The following LFNG variants were observed in gnomAD, a reference collection of about 807,000 sequenced individuals.
LFNG encodes LFNG O-fucosylpeptide 3-beta-N-acetylglucosaminyltransferase.
LFNG carries 15 observed loss-of-function variants against 32.7 expected under a neutral mutation model. That is an observed-to-expected ratio of 0.46 (90% CI 0.31 to 0.71). The LOEUF is 0.71. Ranked by LOEUF, LFNG falls within the 30% of genes least tolerant of loss-of-function variation. The pLI is 0.06. For synonymous variants in LFNG, 274 were observed against 246.8 expected, an observed-to-expected ratio of 1.11 and a Z score of -1.03; for missense variants, 520 against 545.7, an observed-to-expected ratio of 0.95 and a Z score of 0.47.
chr7:2,524,668 T>G, intron 1 of LFNG, 27 bp from the exon 2 acceptor site: 5 of 1,569,236 alleles, frequency 3.2e-6, no homozygotes, highest in Non-Finnish European at 4.3e-6. Flanking sequence ...AAGGGCTGCC[T>G]GCTGAAGGCC....
In LFNG at chr7:2,519,969, G is replaced by C; in HGVS notation, c.108G>C (p.Glu36Asp). Residue 36 changes from glutamate to aspartate, a missense_variant, in exon 1 of 8, where the codon GAG (glutamate) becomes GAC (aspartate). Physicochemically the swap from Glu to Asp is conservative, Grantham distance 45. Around this residue, in one of 3 missense-constraint regions of LFNG, gnomAD observed 360 missense variants for 354.7 expected, o/e 1.01. Transcript: ENST00000222725. ...ADPPPPPLPAERGRRALRSLA... is the reference protein window; with the variant it reads ...ADPPPPPLPADRGRRALRSLA... Reference sequence around the variant, plus strand: ...CGCCGCCGCCTCCACTGCCCGCCGAGCGCGGCCGGCGCGCGCTGCGCAGCC... The same window carrying C: ...CGCCGCCGCCTCCACTGCCCGCCGACCGCGGCCGGCGCGCGCTGCGCAGCC... The C allele has an allele frequency of 1.0e-6, 1 of 983,548 alleles. No individual in the cohort carries two copies. The highest frequency in any genetic ancestry group is 1.2e-6 in the Non-Finnish European group (1 of 830,458). 60.9% of individuals were successfully genotyped at this position (983,548 alleles called of 1,614,324 possible).
upstream of LFNG, among the ~76,000 whole-genome samples, chr7:2,517,468 C>G (rs1779656138): frequency 6.6e-6 from 1 of 152,214 alleles, no homozygotes; most frequent in Admixed American, 6.5e-5. Context: ...TGGTCACTCC[C>G]TTGGTACAAT....
At chr7:2,517,721 A>G (rs115366592), upstream of LFNG, 1,358 of 497,874 alleles carry the variant, frequency 2.7e-3, 19 homozygotes, top group African/African-American at 0.024. Flanking sequence ...ACAGAGCACA[A>G]CCCGTGCACA....
At chr7:2,525,624 G>A in intron 4 of LFNG, 57 bp downstream of exon 4, 1 of 1,611,922 alleles carries the variant, frequency 6.2e-7, no homozygotes, top group Non-Finnish European at 8.5e-7. Flanking sequence ...ACCCGGAGTG[G>A]GGGTGGGACC....
In LFNG at chr7:2,525,202, C is replaced by T. The variant is rs764672814; in HGVS notation, c.482-17C>T. The T allele has an allele frequency of 3.2e-5, 52 of 1,609,570 alleles. No homozygotes were observed. The highest frequency in any genetic ancestry group is 9.9e-5 in the South Asian group (9 of 90,914). ...GAGCCGGCTCAGACCTACTCACAGCCGCTCCCCTGTCCACAGGCAACGTGG... is the reference window on the plus strand; with the variant it reads ...GAGCCGGCTCAGACCTACTCACAGCTGCTCCCCTGTCCACAGGCAACGTGG... On this transcript the variant is annotated splice_polypyrimidine_tract_variant and intron_variant, in intron 2 of 7. Transcript: ENST00000222725.
In LFNG at chr7:2,520,431, A is replaced by C; in HGVS notation, c.432+138A>C. The C allele has an allele frequency of 1.4e-6, 1 of 732,134 alleles. No homozygotes were observed. Among genetic ancestry groups the C allele is most frequent in the Non-Finnish European group, 2.1e-6 (1 of 469,906 alleles). The allele number at this position is 732,134 out of a possible 1,614,324, so 45.4% of individuals were successfully genotyped here. A position where few individuals can be genotyped will look rare whatever the true frequency, so the allele number is the denominator to read the frequency against. On this transcript the variant is annotated intron_variant, in intron 1 of 7. Transcript: ENST00000222725. The surrounding 1 kb of genome is among the most constrained non-coding windows in gnomAD (Gnocchi z 5.0). The stretch of plus-strand genomic sequence containing the variant: ...GGCCATCTGTGGGCGACGCCAGTGC[A>C]CCCCGGTGCACCCAGTTTGCCTGCT...
Position 2,519,957 on chromosome 7 carries a change from A to G in LFNG, c.96A>G (p.Pro32=). The change falls in exon 1 of 8, where the codon CCA becomes CCG. Residue 32 remains proline (P), a synonymous_variant. Coordinates refer to ENST00000222725, the MANE Select transcript of LFNG (RefSeq NM_001040167.2). ...TCACCGCCGACCCGCCGCCGCCTCCACTGCCCGCCGAGCGCGGCCGGCGCG... is the reference window on the plus strand; with the variant it reads ...TCACCGCCGACCCGCCGCCGCCTCCGCTGCCCGCCGAGCGCGGCCGGCGCG... The part of the protein sequence containing the change: ...LVLTADPPPP[P]LPAERGRRAL... The G allele has an allele frequency of 1.6e-5, 16 of 995,568 alleles. No homozygotes were observed. The highest frequency in any genetic ancestry group is 1.9e-5 in the Non-Finnish European group (16 of 838,866). The allele number at this position is 995,568 out of a possible 1,614,324, so 61.7% of individuals were successfully genotyped here.
chr7:2,514,992 G>A (rs931488384), upstream of LFNG, among the ~76,000 whole-genome samples: 28 of 132,602 alleles, frequency 2.1e-4, no homozygotes, highest in East Asian at 1.5e-3. Flanking sequence ...CCATCCGTCC[G>A]TCCATCCATC....
Position 2,520,406 on chromosome 7 carries a change from G to A in LFNG, c.432+113G>A, listed in dbSNP as rs1337347771. On this transcript the variant is annotated intron_variant, in intron 1 of 7. Coordinates refer to ENST00000222725, the MANE Select transcript of LFNG (RefSeq NM_001040167.2). The surrounding 1 kb of genome is among the most constrained non-coding windows in gnomAD (Gnocchi z 5.0). Reference sequence around the variant, plus strand: ...GGCTGCATCCCCATCCAGCCACTAGGGCCATCTGTGGGCGACGCCAGTGCA... The same window carrying A: ...GGCTGCATCCCCATCCAGCCACTAGAGCCATCTGTGGGCGACGCCAGTGCA... The A allele has an allele frequency of 6.1e-6, 6 of 976,742 alleles. No individual in the cohort carries two copies. Among genetic ancestry groups the A allele is most frequent in the Non-Finnish European group, 9.0e-6 (6 of 667,040 alleles). 60.5% of individuals were successfully genotyped at this position (976,742 alleles called of 1,614,324 possible).
rs1289123695 is a variant in LFNG, at chr7:2,527,200, T to C, written c.1128T>C (p.Thr376=). ...CGGACACACCCTGGTGTCCCCGCACTGCCATCTTCTAGTGGCCATGGCTGA... is the reference window on the plus strand; with the variant it reads ...CGGACACACCCTGGTGTCCCCGCACCGCCATCTTCTAGTGGCCATGGCTGA... ...LYPDTPWCPR[T]AIF Residue 376 remains threonine (T), a synonymous_variant, in exon 8 of 8, where the codon ACT becomes ACC. Coordinates refer to ENST00000222725, the MANE Select transcript of LFNG (RefSeq NM_001040167.2). The surrounding 1 kb of genome is among the most constrained non-coding windows in gnomAD (Gnocchi z 4.4). 1.9e-5 allele frequency: 30 copies of C among 1,612,898 alleles called. No individual in the cohort carries two copies. Among genetic ancestry groups the C allele is most frequent in the Non-Finnish European group, 2.4e-5 (28 of 1,179,934 alleles).
chr7:2,520,063 G>C lies in LFNG; in HGVS notation c.202G>C (p.Val68Leu). 8.4e-7 allele frequency: 1 copy of C among 1,191,708 alleles called. No homozygotes were observed. The highest frequency in any genetic ancestry group is 1.6e-5 in the African/African-American group (1 of 61,592). 73.8% of individuals were successfully genotyped at this position (1,191,708 alleles called of 1,614,324 possible). ...GGCGGCGGCGGCGCCCGGGGCGCTG[G>C]TCCGCGACGTGCACAGTCTGTCCGA... Reference protein sequence around the residue: ...GAAAAAPGALVRDVHSLSEYF... With the variant: ...GAAAAAPGALLRDVHSLSEYF... The change falls in exon 1 of 8, where the codon GTC becomes CTC. Residue 68 changes from valine to leucine, a missense_variant. By Grantham distance (32) the Val-to-Leu change is conservative. Coordinates refer to ENST00000222725, the MANE Select transcript of LFNG (RefSeq NM_001040167.2). The surrounding 1 kb of genome is among the most constrained non-coding windows in gnomAD (Gnocchi z 5.0).
upstream of LFNG, chr7:2,519,768 T>A: frequency 5.5e-6 from 4 of 720,976 alleles, no homozygotes; most frequent in Non-Finnish European, 6.8e-6. Flanking sequence ...ACACTGGTGC[T>A]GCGCTGCTGG....
intron 1 of LFNG, 36 bp from the exon 2 acceptor site, chr7:2,524,659 A>C (rs1312965509): frequency 6.4e-7 from 1 of 1,562,580 alleles, no homozygotes; most frequent in South Asian, 1.2e-5. Context: ...GTGGGGATGA[A>C]GGGCTGCCTG....
rs1583278023 is a variant in LFNG, at chr7:2,526,616, T to C, written c.987+207T>C. On this transcript the variant is annotated intron_variant, in intron 6 of 7. Transcript: ENST00000222725. The surrounding 1 kb of genome is among the most constrained non-coding windows in gnomAD (Gnocchi z 6.9). Reference sequence around the variant, plus strand: ...CTGCCGTCTCTTCTCTTCACTGTGATGCGCCTACTGTGCGTATTTTGTCCA... The same window carrying C: ...CTGCCGTCTCTTCTCTTCACTGTGACGCGCCTACTGTGCGTATTTTGTCCA... 6.6e-6 allele frequency among the ~76,000 whole-genome samples: 1 copy of C among 152,174 alleles called. No homozygotes were observed. The highest frequency in any genetic ancestry group is 2.4e-5 in the African/African-American group (1 of 41,436).
chr7:2,512,589 A>C (rs1779520730), exon 1 of LFNG: 3 of 1,436,354 alleles, frequency 2.1e-6, no homozygotes, highest in East Asian at 4.6e-5. Flanking sequence ...ACAGAGGCCA[A>C]GGCGGCTCCT....
chr7:2,516,312 C>T (rs569997746), upstream of LFNG, among the ~76,000 whole-genome samples: 4 of 152,340 alleles, frequency 2.6e-5, no homozygotes, highest in South Asian at 4.1e-4. Flanking sequence ...GGCTTCCTGC[C>T]GAGTTAATGG....
At chr7:2,524,863 G>A (rs996630032) in intron 2 of LFNG, 120 bp downstream of exon 2, 1 of 934,028 alleles carries the variant, frequency 1.1e-6, no homozygotes, top group Non-Finnish European at 1.7e-6. Flanking sequence ...AGGGAGGGCA[G>A]TTTACTCATG....
rs71647813 is a variant in LFNG, at chr7:2,526,884, G to C, written c.1036G>C (p.Val346Leu). The C allele has an allele frequency of 1.2e-4, 201 of 1,612,590 alleles. No homozygotes were observed. In the African/African-American group the frequency reaches 2.5e-3, roughly 20 times the overall value. Residue 346 changes from valine (V) to leucine (L), a missense_variant, in exon 7 of 8, where the codon GTG becomes CTG. Physicochemically the swap from Val to Leu is conservative, Grantham distance 32. Transcript: ENST00000222725. The surrounding 1 kb of genome is among the most constrained non-coding windows in gnomAD (Gnocchi z 6.9). The part of the protein sequence containing the change: ...MFENKRNAVH[V>L]KGPFSVEADP... Reference sequence around the variant, plus strand: ...TGAAAACAAGCGGAACGCCGTCCACGTGAAGGGGCCCTTCTCGGTGGAGGC... The same window carrying C: ...TGAAAACAAGCGGAACGCCGTCCACCTGAAGGGGCCCTTCTCGGTGGAGGC...
chr7:2,526,828 C>A lies in LFNG; in HGVS notation c.988-8C>A. The A allele has an allele frequency of 6.2e-7, 1 of 1,612,246 alleles. No individual in the cohort carries two copies. Among genetic ancestry groups the A allele is most frequent in the Non-Finnish European group, 8.5e-7 (1 of 1,179,716 alleles). ...CCCTCCCGGCATCACTCCGCCCGCTCCCCACAGGTGACGCTGAGCTACGGT... is the reference window on the plus strand; with the variant it reads ...CCCTCCCGGCATCACTCCGCCCGCTACCCACAGGTGACGCTGAGCTACGGT... On this transcript the variant is annotated splice_polypyrimidine_tract_variant and splice_region_variant and intron_variant, in intron 6 of 7. Coordinates refer to ENST00000222725, the MANE Select transcript of LFNG (RefSeq NM_001040167.2). The surrounding 1 kb of genome is among the most constrained non-coding windows in gnomAD (Gnocchi z 6.9).
Sources: gnomAD v4.1 joint callset for allele counts (sites outside exome capture counted in the v4.1 genomes callset) on GRCh38, gnomAD v4.1.1 for gene constraint, gnomAD v4.1.1 regional missense constraint, Gnocchi (gnomAD v3.1) non-coding constraint, MANE v1.5 for transcripts, NCBI Gene and HGNC (gene_info 2026-07-23, HGNC 2026-07-21) for gene names.